AFF1: variants seen among roughly 807,000 people sequenced by gnomAD.
The protein encoded by AFF1 is AF4/FMR2 family member 1.
In AFF1, 48 loss-of-function variants were observed where a neutral mutation model predicts 121.7. The observed-to-expected ratio is 0.39, with a 90% CI of 0.31 to 0.50. The LOEUF (loss-of-function observed/expected upper bound fraction) is 0.50. Ranked by LOEUF, AFF1 falls within the 20% of genes least tolerant of loss-of-function variation. The probability of loss-of-function intolerance (pLI) is 0.76; values close to 1 mark genes in which losing one functional copy is unlikely to be tolerated. For missense variants in AFF1, 1,523 were observed against 1,511.7 expected (o/e 1.01, Z -0.12); for synonymous variants, 613 against 563.0 (o/e 1.09, Z -1.26).
chr4:87,052,968 AACT>A (rs1731420697), intron 4 of AFF1, among the ~76,000 whole-genome samples: 1 of 152,058 alleles, frequency 6.6e-6, no homozygotes, highest in African/African-American at 2.4e-5. Context: ...GAAAACTAAG[AACT>A]CTAGTTGGGT....
Position 87,137,007 on chromosome 4 carries a change from A to G in AFF1, c.*1306A>G, listed in dbSNP as rs1729354430. ...AGTTATTGCCATAGTGTATGCATTA[A>G]ACCAAGTCCATTTTGAATGACCTAA... is the stretch of plus-strand genomic sequence containing the variant. On this transcript the variant is annotated 3_prime_UTR_variant, in exon 21 of 21. Transcript: ENST00000395146. 1.3e-5 allele frequency: 3 copies of G among 222,822 alleles called. No individual in the cohort carries two copies. Among genetic ancestry groups the G allele is most frequent in the African/African-American group, 6.7e-5 (3 of 44,732 alleles). 13.8% of individuals were successfully genotyped at this position (222,822 alleles called of 1,614,324 possible).
At chr4:87,033,372 G>C (rs551146188) in intron 2 of AFF1, among the ~76,000 whole-genome samples, 1 of 152,264 alleles carries the variant, frequency 6.6e-6, no homozygotes, top group African/African-American at 2.4e-5. Flanking sequence ...AGTTTCAAAG[G>C]TTTTTCTTAT....
chr4:87,125,052 GAC>G lies in AFF1; in HGVS notation c.2483_2484del (p.Asp828ValfsTer2). On this transcript the variant is annotated frameshift_variant, in exon 13 of 21. Coordinates refer to ENST00000395146, the MANE Select transcript of AFF1 (RefSeq NM_001166693.3). LOFTEE classifies it high-confidence loss of function. The stretch of plus-strand genomic sequence containing the variant: ...ACTGTAATAGGGTGAAGCAGAAAGA[GAC>G]TGTGATAACAAGAAAATCAGACTGG... ...AKKRKGEAER[D>X]CDNKKIRLEK... 1 of 1,605,662 alleles carries G rather than the reference GAC, an allele frequency of 6.2e-7. No homozygotes were observed. Among genetic ancestry groups the G allele is most frequent in the Non-Finnish European group, 8.5e-7 (1 of 1,175,482 alleles).
At chr4:87,127,144 C>G in intron 15 of AFF1, 27 bp downstream of exon 15, 2 of 1,513,442 alleles carry the variant, frequency 1.3e-6, no homozygotes, top group Non-Finnish European at 9.1e-7. Context: ...TTTCTTCTTG[C>G]TCTGTTTTGT....
intron 4 of AFF1, among the ~76,000 whole-genome samples, chr4:87,068,078 T>TAATAA (rs200614972): frequency 2.3e-5 from 1 of 42,856 alleles, no homozygotes; most frequent in African/African-American, 1.8e-4. Context: ...ATGGGATAAA[T>TAATAA]AACGAAACTT....
chr4:87,116,880 A>T, intron 12 of AFF1, among the ~76,000 whole-genome samples: 1 of 152,032 alleles, frequency 6.6e-6, no homozygotes, highest in Non-Finnish European at 1.5e-5. Context: ...TTTATGGAGA[A>T]AATTGTGATG....
intron 2 of AFF1, among the ~76,000 whole-genome samples, chr4:86,988,946 C>T (rs944880562): frequency 5.3e-5 from 8 of 152,120 alleles, no homozygotes; most frequent in Non-Finnish European, 1.5e-5. Context: ...GAAAGGATTC[C>T]CTATTTAATA....
intron 2 of AFF1, among the ~76,000 whole-genome samples, chr4:87,036,095 T>C (rs925213871): frequency 6.6e-6 from 1 of 152,120 alleles, no homozygotes; most frequent in African/African-American, 2.4e-5. Context: ...AAATGAGCAG[T>C]GCCAATGAGG....
At chr4:87,021,780 G>A (rs904143275) in intron 2 of AFF1, among the ~76,000 whole-genome samples, 4 of 152,020 alleles carry the variant, frequency 2.6e-5, no homozygotes, top group South Asian at 2.1e-4. Flanking sequence ...TATTCTTTAT[G>A]TGTGTTTGAT....
chr4:86,986,065 T>G (rs1218039207), intron 2 of AFF1, among the ~76,000 whole-genome samples: 12 of 151,508 alleles, frequency 7.9e-5, no homozygotes, highest in Admixed American at 7.3e-4. Context: ...TAATTTAATT[T>G]AATTTAATTT....
At chr4:87,096,186 G>T (rs1164852081) in intron 8 of AFF1, among the ~76,000 whole-genome samples, 1 of 151,912 alleles carries the variant, frequency 6.6e-6, no homozygotes, top group African/African-American at 2.4e-5. Flanking sequence ...TGGGTTTTGT[G>T]CATGTGGTAA....
At position 86,978,177 on chromosome 4, in the gene AFF1, CTTTTTTTT is replaced by C. The variant is rs10676975; in HGVS notation, c.38+29623_38+29630del. On this transcript the variant is annotated intron_variant, in intron 2 of 20. Coordinates refer to ENST00000395146, the MANE Select transcript of AFF1 (RefSeq NM_001166693.3). ...CTTCTCTTACTTCTCATTACATTCA[CTTTTTTTT>C]TTTTTTTTTTTTTTTTGAGATGGAG... Among the ~76,000 whole-genome samples, 13 of 39,336 alleles carry C rather than the reference CTTTTTTTT, an allele frequency of 3.3e-4. 2 individuals are homozygous for C. Among genetic ancestry groups the C allele is most frequent in the Admixed American group, 1.1e-3 (2 of 1,902 alleles). 25.8% of individuals were successfully genotyped at this position (39,336 alleles called of 152,430 possible).
chr4:86,961,909 TC>T (rs1392462131), intron 2 of AFF1, among the ~76,000 whole-genome samples: 1 of 152,112 alleles, frequency 6.6e-6, no homozygotes, highest in Non-Finnish European at 1.5e-5. Context: ...AGGCTTACTG[TC>T]CCCCGCAGAG....
rs149598085 is a variant in AFF1, at chr4:86,951,196, A to G, written c.38+2625A>G. 5.3e-5 allele frequency among the ~76,000 whole-genome samples: 8 copies of G among 151,900 alleles called. No individual in the cohort carries two copies. In the East Asian group the frequency reaches 1.5e-3, roughly 29 times the overall value. On this transcript the variant is annotated intron_variant, in intron 2 of 20. Transcript: ENST00000395146. ...AGAATTGAATAGCTTCGGCTCTTTTAAGCGGAACACAGGCTTTCTAATTCA... is the reference window on the plus strand; with the variant it reads ...AGAATTGAATAGCTTCGGCTCTTTTGAGCGGAACACAGGCTTTCTAATTCA...
At chr4:87,078,399 C>G (rs1448933150) in intron 4 of AFF1, among the ~76,000 whole-genome samples, 1 of 152,124 alleles carries the variant, frequency 6.6e-6, no homozygotes, top group Non-Finnish European at 1.5e-5. Context: ...ATGGGGTTGC[C>G]TCTGTGTGGC....
chr4:87,082,680 C>T (rs1002799301), intron 4 of AFF1, among the ~76,000 whole-genome samples: 4 of 152,160 alleles, frequency 2.6e-5, no homozygotes, highest in East Asian at 3.9e-4. Context: ...CTGCCCGCCT[C>T]GGCCTCCCAA....
In AFF1 at chr4:87,017,820, G is replaced by A. The variant is rs1175489493; in HGVS notation, c.39-28346G>A. On this transcript the variant is annotated intron_variant, in intron 2 of 20. Transcript: ENST00000395146. ...CCCTTGATGGTGTACTCCGACTTCA[G>A]TTAAAGATAGATCTGTTGCACAAAC... Among the ~76,000 whole-genome samples, 5 of 152,034 alleles carry A rather than the reference G, an allele frequency of 3.3e-5. No individual in the cohort carries two copies. The East Asian group carries it at 9.7e-4, about 29-fold the overall frequency.
intron 19 of AFF1, among the ~76,000 whole-genome samples, chr4:87,132,634 G>A (rs1728940166): frequency 6.6e-6 from 1 of 152,158 alleles, no homozygotes; most frequent in Non-Finnish European, 1.5e-5. Context: ...ACATAAAAAG[G>A]TAATTGCAAA....
At chr4:87,053,962 A>T (rs1417808673) in intron 4 of AFF1, among the ~76,000 whole-genome samples, 1 of 152,194 alleles carries the variant, frequency 6.6e-6, no homozygotes, top group East Asian at 1.9e-4. Flanking sequence ...GGCCCAAGTG[A>T]GGGGTGTTGG....
Sources: gnomAD v4.1 joint callset for allele counts (sites outside exome capture counted in the v4.1 genomes callset) on GRCh38, gnomAD v4.1.1 for gene constraint, MANE v1.5 for transcripts, NCBI Gene and HGNC (gene_info 2026-07-23, HGNC 2026-07-21) for gene names.